The following BCL7C variants were observed in gnomAD, a reference collection of about 807,000 sequenced individuals.
The protein encoded by BCL7C is BAF chromatin remodeling complex subunit BCL7C.
A neutral mutation model predicts 26.2 loss-of-function variants in BCL7C; 8 were observed. The observed-to-expected ratio is 0.30, with a 90% confidence interval of 0.18 to 0.55. BCL7C has a LOEUF of 0.55. Ranked by LOEUF, BCL7C falls within the 20% of genes least tolerant of loss-of-function variation. BCL7C has a pLI of 0.93. For missense variants in BCL7C, 262 were observed against 298.5 expected (o/e 0.88, Z 0.90); for synonymous variants, 90 against 116.5 (o/e 0.77, Z 1.47).
At chr16:30,872,144 G>A (rs1400382414) in intron 5 of BCL7C, among the ~76,000 whole-genome samples, 1 of 152,182 alleles carries the variant, frequency 6.6e-6, no homozygotes, top group Non-Finnish European at 1.5e-5. Flanking sequence ...GAGGAATAGG[G>A]TCTGAGGGAG....
At chr16:30,850,162 A>G (rs1252698911) in intron 5 of BCL7C, among the ~76,000 whole-genome samples, 1 of 149,844 alleles carries the variant, frequency 6.7e-6, no homozygotes, top group Non-Finnish European at 1.5e-5. Flanking sequence ...GTGAGCCGAG[A>G]TCGCATCACT....
At chr16:30,883,101 G>A (rs1231959371), downstream of BCL7C, among the ~76,000 whole-genome samples, 1 of 152,180 alleles carries the variant, frequency 6.6e-6, no homozygotes, top group South Asian at 2.1e-4. Flanking sequence ...CCAGCAGGGA[G>A]AGTGTGCACA....
At chr16:30,836,246 T>C (rs1026921318) in intron 5 of BCL7C, among the ~76,000 whole-genome samples, 5 of 152,206 alleles carry the variant, frequency 3.3e-5, no homozygotes, top group African/African-American at 1.2e-4. Flanking sequence ...AGAGCAAGAA[T>C]CCGTCTCAAA....
At chr16:30,888,131 A>T in intron 5 of BCL7C, 141 bp from the exon 6 acceptor site, 1 of 721,980 alleles carries the variant, frequency 1.4e-6, no homozygotes, top group Non-Finnish European at 2.2e-6. Flanking sequence ...CAGGATGCAG[A>T]GGAAGCAGGC....
intron 5 of BCL7C, among the ~76,000 whole-genome samples, chr16:30,855,847 G>T (rs887320333): frequency 1.0e-4 from 15 of 150,288 alleles, no homozygotes; most frequent in Non-Finnish European, 2.1e-4. Flanking sequence ...GATCACCTGA[G>T]GTCGGGAGTT....
chr16:30,838,627 A>G (rs2151358876), intron 5 of BCL7C, among the ~76,000 whole-genome samples: 1 of 152,336 alleles, frequency 6.6e-6, no homozygotes, highest in East Asian at 1.9e-4. Flanking sequence ...TACTAAAAAA[A>G]ATACAAAAAA....
At chr16:30,874,879 G>C (rs1019700478) in intron 5 of BCL7C, among the ~76,000 whole-genome samples, 3 of 152,202 alleles carry the variant, frequency 2.0e-5, no homozygotes, top group Non-Finnish European at 2.9e-5. Flanking sequence ...CGCCTGACAC[G>C]GTCAGCTCGC....
chr16:30,892,787 T>C, intron 3 of BCL7C, 40 bp from the exon 4 acceptor site: 2 of 1,614,036 alleles, frequency 1.2e-6, no homozygotes, highest in Non-Finnish European at 8.5e-7. Flanking sequence ...CTGAGATCCC[T>C]AGTACACTCC....
downstream of BCL7C, among the ~76,000 whole-genome samples, chr16:30,887,509 C>T (rs1441111097): frequency 6.6e-6 from 1 of 150,456 alleles, no homozygotes; most frequent in African/African-American, 2.4e-5. Flanking sequence ...GAATCATGGC[C>T]TAGCTACCCA....
At chr16:30,865,829 C>G in intron 5 of BCL7C, among the ~76,000 whole-genome samples, 1 of 148,810 alleles carries the variant, frequency 6.7e-6, no homozygotes, top group African/African-American at 2.5e-5. Flanking sequence ...CAGGTTCAAG[C>G]GATTCTCCTG....
At chr16:30,889,162 A>G (rs775530024) in intron 4 of BCL7C, among the ~76,000 whole-genome samples, 5 of 152,194 alleles carry the variant, frequency 3.3e-5, no homozygotes, top group Non-Finnish European at 5.9e-5. Flanking sequence ...AAAGTATGAC[A>G]CGTGAGACAG....
At chr16:30,891,421 C>T (rs761941045) in intron 4 of BCL7C, among the ~76,000 whole-genome samples, 3 of 151,972 alleles carry the variant, frequency 2.0e-5, no homozygotes, top group Non-Finnish European at 4.4e-5. Flanking sequence ...AAGATTGTGC[C>T]GTCGCACTCC....
At chr16:30,877,144 G>A (rs1337932429) in intron 5 of BCL7C, among the ~76,000 whole-genome samples, 1 of 152,108 alleles carries the variant, frequency 6.6e-6, no homozygotes, top group African/African-American at 2.4e-5. Context: ...CAGAGACTCC[G>A]CCCCCAGGGC....
chr16:30,838,483 G>C (rs1048347387), intron 5 of BCL7C, among the ~76,000 whole-genome samples: 2 of 152,092 alleles, frequency 1.3e-5, no homozygotes, highest in African/African-American at 4.8e-5. Flanking sequence ...TTGCTTATGA[G>C]TATAAACAAA....
intron 5 of BCL7C, among the ~76,000 whole-genome samples, chr16:30,879,638 G>A (rs1231397302): frequency 1.5e-5 from 2 of 129,396 alleles, no homozygotes; most frequent in African/African-American, 5.7e-5. Context: ...ATCCCTTGAG[G>A]CCAGGAGTTC....
intron 5 of BCL7C, among the ~76,000 whole-genome samples, chr16:30,846,199 A>AATTTATTTATTTATTTATTTATTT (rs748604975): frequency 7.6e-6 from 1 of 131,414 alleles, no homozygotes; most frequent in African/African-American, 3.1e-5. Context: ...CTAATTTTAA[A>AATTTATTTATTTATTTATTTATTT]ATTTATTTAT....
intron 4 of BCL7C, 109 bp downstream of exon 4, chr16:30,892,477 T>TGAG: frequency 8.6e-7 from 1 of 1,159,894 alleles, no homozygotes; most frequent in Non-Finnish European, 1.2e-6. Context: ...GAAGGCGCCT[T>TGAG]GAGGAGGGTG....
At chr16:30,856,673 CT>C (rs1240446441) in intron 5 of BCL7C, among the ~76,000 whole-genome samples, 2 of 152,174 alleles carry the variant, frequency 1.3e-5, no homozygotes, top group African/African-American at 4.8e-5. Flanking sequence ...TCTTAAATGC[CT>C]TTCACAAATG....
intron 4 of BCL7C, among the ~76,000 whole-genome samples, chr16:30,890,721 C>T (rs888285078): frequency 1.9e-4 from 29 of 152,104 alleles, no homozygotes; most frequent in Middle Eastern, 6.8e-3. Flanking sequence ...CACGGTGGCT[C>T]ACGCCTGTAA....
Sources: allele counts gnomAD v4.1 joint callset (sites outside exome capture counted in the v4.1 genomes callset), GRCh38; gene constraint gnomAD v4.1.1; transcripts MANE v1.5; gene names NCBI Gene and HGNC (gene_info 2026-07-23, HGNC 2026-07-21).